Variants in PRMT8 observed in about 807,000 individuals in gnomAD.
PRMT8 encodes the protein protein arginine N-methyltransferase 8.
Under a neutral mutation model 47.1 loss-of-function variants are expected in PRMT8, and 7 were observed. The observed-to-expected ratio is 0.15, with a 90% CI of 0.08 to 0.28. The LOEUF is 0.28. PRMT8 is among the 10% of genes least tolerant of loss of function. PRMT8 has a pLI of 1.00. For missense variants in PRMT8, 237 were observed against 505.4 expected (o/e 0.47, Z 5.09); for synonymous variants, 188 against 186.5 (o/e 1.01, Z -0.07).
intron 1 of PRMT8, among the ~76,000 whole-genome samples, chr12:3,427,458 G>A (rs537462840): frequency 7.9e-5 from 12 of 152,096 alleles, no homozygotes; most frequent in African/African-American, 2.2e-4. Flanking sequence ...TATAATTAAC[G>A]TTTTAAAACT....
At chr12:3,534,470 C>G (rs113474415) in intron 1 of PRMT8, among the ~76,000 whole-genome samples, 3,321 of 152,292 alleles carry the variant, frequency 0.022, 65 homozygotes, top group Middle Eastern at 0.034. Flanking sequence ...TCTACCACCT[C>G]TTTCCTATTC....
intron 4 of PRMT8, among the ~76,000 whole-genome samples, chr12:3,556,160 G>A (rs1460997732): frequency 1.3e-5 from 2 of 152,078 alleles, no homozygotes; most frequent in East Asian, 1.9e-4. Context: ...ACTTGGATAC[G>A]TGCGTCCAGA....
At chr12:3,441,264 T>A (rs937034405) in intron 1 of PRMT8, among the ~76,000 whole-genome samples, 1 of 152,230 alleles carries the variant, frequency 6.6e-6, no homozygotes. Context: ...GTAGCATCTC[T>A]TTAAAAGTAT....
upstream of PRMT8, among the ~76,000 whole-genome samples, chr12:3,490,905 G>A (rs372992960): frequency 2.0e-5 from 3 of 151,956 alleles, no homozygotes. Context: ...ACTGTGGCCC[G>A]GTCTCGCCCG....
intron 1 of PRMT8, among the ~76,000 whole-genome samples, chr12:3,522,562 G>T (rs1865895644): frequency 6.6e-6 from 1 of 151,670 alleles, no homozygotes; most frequent in African/African-American, 2.4e-5. Flanking sequence ...TACTTGAGAG[G>T]CTGAGGCAGA....
At chr12:3,417,591 C>T (rs2137059186) in intron 1 of PRMT8, among the ~76,000 whole-genome samples, 1 of 152,258 alleles carries the variant, frequency 6.6e-6, no homozygotes, top group East Asian at 1.9e-4. Flanking sequence ...TTATGTATCA[C>T]TGAAGCAGTG....
Position 3,538,879 on chromosome 12 carries a change from G to T in PRMT8, c.76-1727G>T, listed in dbSNP as rs543902475. ...GGATCTCACCGACGTGAAATCTGAT[G>T]TTGCTAAACTGGGAAGTCTGCTTAT... On this transcript the variant is annotated intron_variant, in intron 1 of 9. Coordinates refer to ENST00000382622, the MANE Select transcript of PRMT8 (RefSeq NM_019854.5). The surrounding 1 kb of genome is among the most constrained non-coding windows in gnomAD (Gnocchi z 4.6). Among the ~76,000 whole-genome samples, 1 of 152,188 alleles carries T rather than the reference G, an allele frequency of 6.6e-6. No individual in the cohort carries two copies. The highest frequency in any genetic ancestry group is 1.5e-5 in the Non-Finnish European group (1 of 68,034).
chr12:3,558,505 A>G (rs940199255), intron 4 of PRMT8, among the ~76,000 whole-genome samples: 26 of 152,308 alleles, frequency 1.7e-4, no homozygotes, highest in African/African-American at 3.6e-4. Flanking sequence ...TGTTTTGTCA[A>G]TTGTCTGAGT....
At chr12:3,413,287 T>C (rs752471530) in intron 1 of PRMT8, among the ~76,000 whole-genome samples, 2 of 152,232 alleles carry the variant, frequency 1.3e-5, no homozygotes, top group African/African-American at 2.4e-5. Flanking sequence ...TCTTGCCTGC[T>C]GCCATATAGG....
intron 1 of PRMT8, among the ~76,000 whole-genome samples, chr12:3,460,340 C>T (rs1241930723): frequency 6.6e-6 from 1 of 152,198 alleles, no homozygotes; most frequent in Admixed American, 6.5e-5. Context: ...GAATACACGT[C>T]CCTGTCATTC....
intron 1 of PRMT8, among the ~76,000 whole-genome samples, chr12:3,468,501 A>G (rs1865126436): frequency 1.3e-5 from 2 of 152,212 alleles, no homozygotes; most frequent in African/African-American, 2.4e-5. Context: ...TCCAGTACCC[A>G]CGCCAGCTCC....
chr12:3,565,232 T>C (rs1866699754), intron 4 of PRMT8, among the ~76,000 whole-genome samples: 1 of 152,044 alleles, frequency 6.6e-6, no homozygotes. Context: ...TTTCTGGCAC[T>C]GCAAAGAATT....
At chr12:3,590,938 G>C (rs1043584100) in intron 8 of PRMT8, among the ~76,000 whole-genome samples, 2 of 152,096 alleles carry the variant, frequency 1.3e-5, no homozygotes, top group Non-Finnish European at 2.9e-5. Flanking sequence ...GCAGACAAAC[G>C]GGGATGGGGG....
chr12:3,516,674 A>C (rs1322723015), intron 1 of PRMT8, among the ~76,000 whole-genome samples: 1 of 152,160 alleles, frequency 6.6e-6, no homozygotes, highest in Non-Finnish European at 1.5e-5. Flanking sequence ...AATAATGTAT[A>C]CAGTGGTCCA....
At chr12:3,441,251 T>C (rs1864798713) in intron 1 of PRMT8, among the ~76,000 whole-genome samples, 1 of 152,228 alleles carries the variant, frequency 6.6e-6, no homozygotes, top group Non-Finnish European at 1.5e-5. Flanking sequence ...TTTTTTTACT[T>C]TTGTAGCATC....
At chr12:3,518,484 G>A (rs1181525891) in intron 1 of PRMT8, among the ~76,000 whole-genome samples, 1 of 150,774 alleles carries the variant, frequency 6.6e-6, no homozygotes, top group Admixed American at 6.6e-5. Context: ...CCCAATTTTT[G>A]TACCTGGGCT....
chr12:3,399,710 C>T (rs974291742), intron 1 of PRMT8, among the ~76,000 whole-genome samples: 5 of 152,150 alleles, frequency 3.3e-5, no homozygotes, highest in Non-Finnish European at 4.4e-5. Flanking sequence ...CCCTCAATGA[C>T]GTAGGCTTAT....
chr12:3,525,053 C>A (rs1223588016), intron 1 of PRMT8, among the ~76,000 whole-genome samples: 1 of 152,052 alleles, frequency 6.6e-6, no homozygotes, highest in East Asian at 1.9e-4. Context: ...GAAACCCCAT[C>A]ACTACTAAAA....
rs1329162872 is a variant in PRMT8 at position 3,491,849 on chromosome 12, T to C, written c.75+149T>C. 2.0e-3 allele frequency: 366 copies of C among 180,166 alleles called. 10 individuals carry two copies. Among genetic ancestry groups the C allele is most frequent in the South Asian group, 7.7e-3 (28 of 3,634 alleles). The allele number at this position is 180,166 out of a possible 1,614,324, so 11.2% of individuals were successfully genotyped here. On this transcript the variant is annotated intron_variant, in intron 1 of 9. Transcript: ENST00000382622. ...GCCTCCTCCTGTGTGTGTGTGTGTGTGTGTGTGTGTGTGTGTGTGTGTGTG... is the reference window on the plus strand; with the variant it reads ...GCCTCCTCCTGTGTGTGTGTGTGTGCGTGTGTGTGTGTGTGTGTGTGTGTG...
Sources: gnomAD v4.1 joint callset for allele counts (sites outside exome capture counted in the v4.1 genomes callset) on GRCh38, gnomAD v4.1.1 for gene constraint, Gnocchi (gnomAD v3.1) non-coding constraint, MANE v1.5 for transcripts, NCBI Gene and HGNC (gene_info 2026-07-23, HGNC 2026-07-21) for gene names.